The following NEGR1 variants were observed in gnomAD, a reference collection of about 807,000 sequenced individuals.
NEGR1 encodes the protein neuronal growth regulator 1, also known as IgLON family member 4.
A neutral mutation model predicts 40.9 loss-of-function variants in NEGR1; 10 were observed. The ratio of observed to expected loss-of-function variants is 0.24; its 90% CI spans 0.15 to 0.42. NEGR1 has a LOEUF of 0.42. Ranked by LOEUF, NEGR1 falls within the 10% of genes least tolerant of loss-of-function variation. NEGR1 has a pLI of 1.00. For synonymous variants in NEGR1, 185 were observed against 166.8 expected (o/e 1.11, Z -0.84); for missense variants, 352 against 438.9 (o/e 0.80, Z 1.77).
At chr1:72,266,917 T>A (rs1284665254) in intron 1 of NEGR1, among the ~76,000 whole-genome samples, 1 of 150,886 alleles carries the variant, frequency 6.6e-6, no homozygotes, top group Admixed American at 6.6e-5. Flanking sequence ...CTATCTGAAA[T>A]AAAGAATAAT....
intron 1 of NEGR1, among the ~76,000 whole-genome samples, chr1:72,059,536 T>C (rs866597005): frequency 5.3e-5 from 8 of 151,668 alleles, no homozygotes; most frequent in Non-Finnish European, 8.9e-5. Context: ...GTTTGTTTTT[T>C]GCACTGTTGA....
At chr1:71,782,321 A>C (rs1260375579) in intron 2 of NEGR1, among the ~76,000 whole-genome samples, 1 of 152,136 alleles carries the variant, frequency 6.6e-6, no homozygotes, top group African/African-American at 2.4e-5. Flanking sequence ...AAGTGTGAGA[A>C]ATACATTTCT....
At position 72,009,024 on chromosome 1, in the gene NEGR1, G is replaced by C. The variant is rs939660612; in HGVS notation, c.177-73713C>G. ...AAAAAAAAAAAAGAAAGAAAAGAAA[G>C]AAAGAAGGGGGAGTGATCATATCTC... On this transcript the variant is annotated intron_variant, in intron 1 of 6. Coordinates refer to ENST00000357731, the MANE Select transcript of NEGR1 (RefSeq NM_173808.3). Among the ~76,000 whole-genome samples the C allele has an allele frequency of 2.0e-5, 3 of 150,518 alleles. No homozygotes were observed. In the East Asian group the frequency reaches 5.9e-4, roughly 29 times the overall value.
At chr1:72,270,920 G>A (rs1197081004) in intron 1 of NEGR1, among the ~76,000 whole-genome samples, 2 of 151,760 alleles carry the variant, frequency 1.3e-5, no homozygotes, top group African/African-American at 2.4e-5. Context: ...AGTGAGATTA[G>A]CAGAAAAAAA....
intron 1 of NEGR1, among the ~76,000 whole-genome samples, chr1:72,058,870 G>A (rs1377060499): frequency 6.6e-6 from 1 of 151,568 alleles, no homozygotes; most frequent in African/African-American, 2.4e-5. Flanking sequence ...TTTGTGAGCG[G>A]AATTAACCTC....
intron 1 of NEGR1, among the ~76,000 whole-genome samples, chr1:72,238,837 G>T (rs1367798988): frequency 6.6e-6 from 1 of 151,854 alleles, no homozygotes; most frequent in Non-Finnish European, 1.5e-5. Context: ...CATAGAAGAG[G>T]AATTTAAAGT....
chr1:71,718,562 C>T (rs961030187), intron 3 of NEGR1, among the ~76,000 whole-genome samples: 1 of 152,144 alleles, frequency 6.6e-6, no homozygotes, highest in African/African-American at 2.4e-5. Context: ...ATTTAAAGTA[C>T]TTGAAATAAG....
At chr1:71,456,952 A>T (rs971087356) in intron 6 of NEGR1, among the ~76,000 whole-genome samples, 16 of 152,158 alleles carry the variant, frequency 1.1e-4, no homozygotes, top group African/African-American at 3.9e-4. Flanking sequence ...TACTAGCTTT[A>T]GTCTTGAATG....
At chr1:71,666,806 G>T (rs893097094) in intron 4 of NEGR1, among the ~76,000 whole-genome samples, 2 of 152,022 alleles carry the variant, frequency 1.3e-5, no homozygotes, top group African/African-American at 2.4e-5. Flanking sequence ...GTATAATTTT[G>T]AATGATTTTT....
At chr1:72,090,943 G>T (rs895251206) in intron 1 of NEGR1, among the ~76,000 whole-genome samples, 3 of 152,122 alleles carry the variant, frequency 2.0e-5, no homozygotes, top group African/African-American at 7.2e-5. Flanking sequence ...GGTTCTTTTT[G>T]GGGGTACTTA....
At chr1:71,704,298 G>T (rs770178494) in intron 3 of NEGR1, among the ~76,000 whole-genome samples, 8 of 151,678 alleles carry the variant, frequency 5.3e-5, no homozygotes, top group Non-Finnish European at 8.8e-5. Flanking sequence ...AAATAGTAAA[G>T]ATGATAAATT....
At position 71,638,506 on chromosome 1, in the gene NEGR1, G is replaced by A. The variant is rs1651236986; in HGVS notation, c.668-27360C>T. ...AAATAAGAATTTCTGTTTGACGCTT[G>A]CTTCTTCAAGTAAGATGTGAGCTGC... On this transcript the variant is annotated intron_variant, in intron 4 of 6. Transcript: ENST00000357731. Among the ~76,000 whole-genome samples the A allele has an allele frequency of 1.3e-5, 2 of 152,072 alleles. 1 individual carries two copies. The highest frequency in any genetic ancestry group is 4.1e-4 in the South Asian group (2 of 4,826).
chr1:71,822,272 G>A (rs1212441488), intron 2 of NEGR1, among the ~76,000 whole-genome samples: 4 of 151,882 alleles, frequency 2.6e-5, no homozygotes, highest in African/African-American at 7.2e-5. Flanking sequence ...GAAACACATC[G>A]ATGGACCTAT....
intron 1 of NEGR1, among the ~76,000 whole-genome samples, chr1:72,134,825 C>T (rs1323803820): frequency 6.6e-6 from 1 of 151,336 alleles, no homozygotes; most frequent in African/African-American, 2.4e-5. Flanking sequence ...ACAACCTCCG[C>T]CTCCTGGGTT....
At chr1:72,142,089 G>T (rs747082975) in intron 1 of NEGR1, among the ~76,000 whole-genome samples, 1 of 151,900 alleles carries the variant, frequency 6.6e-6, no homozygotes, top group South Asian at 2.1e-4. Flanking sequence ...CCGTATCAGA[G>T]AATCAGACTG....
At chr1:71,853,635 T>C (rs757977082) in intron 2 of NEGR1, among the ~76,000 whole-genome samples, 10 of 152,074 alleles carry the variant, frequency 6.6e-5, no homozygotes, top group African/African-American at 1.9e-4. Flanking sequence ...TGACTGAATG[T>C]ATATTGATTC....
In NEGR1 at chr1:71,863,189, G is replaced by A. The variant is rs142855130; in HGVS notation, c.409+71890C>T. Among the ~76,000 whole-genome samples the A allele has an allele frequency of 9.1e-3, 1,382 of 152,194 alleles. 20 individuals carry two copies. Among genetic ancestry groups the A allele is most frequent in the African/African-American group, 0.031 (1,307 of 41,508 alleles). The stretch of plus-strand genomic sequence containing the variant: ...CATTATTCACAACAGCAAAGACATG[G>A]AATCACTCCAAATGCCCATCAATGA... On this transcript the variant is annotated intron_variant, in intron 2 of 6. Coordinates refer to ENST00000357731, the MANE Select transcript of NEGR1 (RefSeq NM_173808.3).
At chr1:71,494,573 A>G (rs751545943) in intron 6 of NEGR1, among the ~76,000 whole-genome samples, 16 of 152,266 alleles carry the variant, frequency 1.1e-4, no homozygotes, top group Admixed American at 2.0e-4. Flanking sequence ...GTGAGTCCTT[A>G]TAGTGAATTA....
rs1216563270 is a variant in NEGR1 at position 71,398,693 on chromosome 1, T to G, written c.*8753A>C. The G allele has an allele frequency of 6.6e-6, 1 of 152,086 alleles. No homozygotes were observed. Among genetic ancestry groups the G allele is most frequent in the Non-Finnish European group, 1.5e-5 (1 of 68,020 alleles). 9.4% of individuals were successfully genotyped at this position (152,086 alleles called of 1,614,324 possible). On this transcript the variant is annotated 3_prime_UTR_variant, in exon 7 of 7. Transcript: ENST00000357731. ...ACTTTGAGGGACTGTTGGGAAAGCA[T>G]GATTGGTTTTGAAATGTGAGGACAT...
Sources: gnomAD v4.1 joint callset for allele counts (sites outside exome capture counted in the v4.1 genomes callset) on GRCh38, gnomAD v4.1.1 for gene constraint, MANE v1.5 for transcripts, NCBI Gene and HGNC (gene_info 2026-07-23, HGNC 2026-07-21) for gene names.